Variants in NXPE2 observed in about 807,000 individuals in gnomAD.
The protein encoded by NXPE2 is neurexophilin and PC-esterase domain family member 2.
A neutral mutation model predicts 34.4 loss-of-function variants in NXPE2; 34 were observed. The observed-to-expected ratio is 0.99, with a 90% CI of 0.75 to 1.31. NXPE2 has a LOEUF of 1.31. Among genes scored for constraint, NXPE2 ranks in the 40% most tolerant of loss-of-function variants. NXPE2 has a pLI of 0.00. For synonymous variants in NXPE2, 235 were observed against 231.3 expected, an observed-to-expected ratio of 1.02 and a Z score of -0.15; for missense variants, 649 against 672.5, an observed-to-expected ratio of 0.97 and a Z score of 0.39.
the NXPE2 span, among the ~76,000 whole-genome samples, chr11:114,765,681 G>A: frequency 6.6e-6 from 1 of 152,116 alleles, no homozygotes; most frequent in Non-Finnish European, 1.5e-5. Flanking sequence ...CCTCACTCTT[G>A]ATATTCATTC....
chr11:114,518,135 A>C, the NXPE2 span: 1 of 152,192 alleles, frequency 6.6e-6, no homozygotes, highest in Non-Finnish European at 1.5e-5. Flanking sequence ...GCTTATCTTC[A>C]CACCAGCACT....
Position 114,679,720 on chromosome 11 carries a change from A to G in NXPE2, c.90A>G (p.Leu30=), listed in dbSNP as rs1950917190. 1.3e-6 allele frequency: 2 copies of G among 1,550,600 alleles called. No homozygotes were observed. Among genetic ancestry groups the G allele is most frequent in the Non-Finnish European group, 8.7e-7 (1 of 1,146,136 alleles). The change falls in exon 2 of 6, where the codon TTA becomes TTG. Residue 30 remains leucine, a synonymous_variant. Coordinates refer to ENST00000389586, the MANE Select transcript of NXPE2 (RefSeq NM_182495.6). ...RKLLLMLTFI[L]IFWIIYLASK... ...TACTGCTGATGTTGACATTTATCTT[A>G]ATTTTCTGGATCATTTACTTGGCTT...
chr11:114,627,949 C>G, the NXPE2 span, among the ~76,000 whole-genome samples: 10 of 152,012 alleles, frequency 6.6e-5, no homozygotes, highest in African/African-American at 2.2e-4. Context: ...GTAAAGGGAT[C>G]AACTCAACAA....
At chr11:114,805,333 A>AG in the NXPE2 span, among the ~76,000 whole-genome samples, 2 of 152,138 alleles carry the variant, frequency 1.3e-5, no homozygotes, top group African/African-American at 4.8e-5. Flanking sequence ...AGTGCCAGAC[A>AG]GTAGGTGCAG....
the NXPE2 span, chr11:114,530,904 C>G: frequency 3.7e-6 from 6 of 1,603,444 alleles, no homozygotes. Context: ...TAGAGCAGAC[C>G]AAAGCTGAAA....
the NXPE2 span, among the ~76,000 whole-genome samples, chr11:114,639,807 AAAT>A: frequency 7.2e-5 from 4 of 55,280 alleles, no homozygotes; most frequent in Non-Finnish European, 1.4e-4. Flanking sequence ...ATTAAATATA[AAAT>A]AATATAAAAT....
chr11:114,548,831 C>T, the NXPE2 span, among the ~76,000 whole-genome samples: 21 of 151,010 alleles, frequency 1.4e-4, no homozygotes, highest in Non-Finnish European at 2.8e-4. Flanking sequence ...CATTAAAATA[C>T]AGAAAAATAG....
At chr11:114,667,160 A>G in the NXPE2 span, among the ~76,000 whole-genome samples, 1 of 152,176 alleles carries the variant, frequency 6.6e-6, no homozygotes, top group Non-Finnish European at 1.5e-5. Flanking sequence ...GTGAAGATCC[A>G]GGTCCTGATT....
Position 114,706,702 on chromosome 11 carries a change from G to A in NXPE2, c.1452G>A (p.Lys484=), listed in dbSNP as rs1951481305. 1 of 1,552,194 alleles carries A rather than the reference G, an allele frequency of 6.4e-7. No homozygotes were observed. The highest frequency in any genetic ancestry group is 8.7e-7 in the Non-Finnish European group (1 of 1,147,060). Residue 484 remains lysine, a synonymous_variant, in exon 6 of 6, where the codon AAG becomes AAA. Transcript: ENST00000389586. Reference sequence around the variant, plus strand: ...TATTCTTGCGAAGCCCGGAGACCAAGGTGATACTTAAAACTGAAAACACCA... The same window carrying A: ...TATTCTTGCGAAGCCCGGAGACCAAAGTGATACTTAAAACTGAAAACACCA... ...ERLFLRSPET[K]VILKTENTRE... is the part of the protein sequence containing the mutation.
At chr11:114,769,926 G>A in the NXPE2 span, among the ~76,000 whole-genome samples, 202 of 152,246 alleles carry the variant, frequency 1.3e-3, no homozygotes, top group Middle Eastern at 0.01. Flanking sequence ...AAACCTGCAC[G>A]TTCTGCACAT....
the NXPE2 span, among the ~76,000 whole-genome samples, chr11:114,724,194 G>C: frequency 6.6e-6 from 1 of 152,152 alleles, no homozygotes; most frequent in African/African-American, 2.4e-5. Context: ...GTCACCTGAA[G>C]GGTGAGCCAG....
the NXPE2 span, among the ~76,000 whole-genome samples, chr11:114,732,831 A>C: frequency 1.4e-5 from 2 of 141,576 alleles, no homozygotes; most frequent in Non-Finnish European, 3.1e-5. Context: ...CTAGGTCTTC[A>C]GATTAATTTA....
chr11:114,521,587 G>C, the NXPE2 span: 1 of 167,810 alleles, frequency 6.0e-6, no homozygotes. Flanking sequence ...AGGGTGCTCG[G>C]AGTGATTATT....
the NXPE2 span, among the ~76,000 whole-genome samples, chr11:114,635,760 A>G: frequency 2.0e-5 from 3 of 152,092 alleles, no homozygotes; most frequent in Non-Finnish European, 4.4e-5. Flanking sequence ...TATATGCTGG[A>G]TTACATTTAT....
At chr11:114,504,632 C>G in the NXPE2 span, among the ~76,000 whole-genome samples, 2 of 152,274 alleles carry the variant, frequency 1.3e-5, no homozygotes, top group South Asian at 2.1e-4. Flanking sequence ...GAGTTGGGAG[C>G]TGAGTGTTGG....
the NXPE2 span, among the ~76,000 whole-genome samples, chr11:114,602,856 A>T: frequency 6.8e-6 from 1 of 147,456 alleles, no homozygotes; most frequent in African/African-American, 2.5e-5. Flanking sequence ...ATCACATATA[A>T]TTATCTCATA....
At chr11:114,638,786 G>A in the NXPE2 span, among the ~76,000 whole-genome samples, 14 of 151,930 alleles carry the variant, frequency 9.2e-5, no homozygotes, top group African/African-American at 2.2e-4. Flanking sequence ...GCGGATTTTC[G>A]TGAACCGTGA....
At chr11:114,478,464 A>T in the NXPE2 span, among the ~76,000 whole-genome samples, 1 of 152,114 alleles carries the variant, frequency 6.6e-6, no homozygotes, top group Non-Finnish European at 1.5e-5. Context: ...GATAAGGGAG[A>T]GGAGGTGTCT....
At chr11:114,791,816 G>A in the NXPE2 span, among the ~76,000 whole-genome samples, 447 of 152,300 alleles carry the variant, frequency 2.9e-3, no homozygotes, top group Middle Eastern at 0.01. Context: ...CAGCACTTTG[G>A]GAGGCCGAGG....
Sources: gnomAD v4.1 joint callset for allele counts (sites outside exome capture counted in the v4.1 genomes callset) on GRCh38, gnomAD v4.1.1 for gene constraint, MANE v1.5 for transcripts, NCBI Gene and HGNC (gene_info 2026-07-23, HGNC 2026-07-21) for gene names.